MCM10: variants seen among roughly 807,000 people sequenced by gnomAD.
The protein encoded by MCM10 is minichromosome maintenance 10 replication initiation factor.
In MCM10, 91 loss-of-function variants were observed where a neutral mutation model predicts 109.9. The ratio of observed to expected loss-of-function variants is 0.83; its 90% CI spans 0.70 to 0.99. MCM10 has a LOEUF of 0.99. MCM10 is among the 50% of genes least tolerant of loss of function. The pLI is 0.00. For synonymous variants in MCM10, 380 were observed against 387.2 expected (o/e 0.98, Z 0.22); for missense variants, 1,077 against 1,061.2 (o/e 1.01, Z -0.21).
At position 13,175,706 on chromosome 10, in the gene MCM10, T is replaced by C. The variant is rs186811935; in HGVS notation, c.764+25T>C. ...GGTCAGTAGCTAAACCATCTATTCA[T>C]GTGCGCCACGGCATAGCTTTTTGTG... On this transcript the variant is annotated intron_variant, in intron 6 of 19. Coordinates refer to ENST00000378714, the MANE Select transcript of MCM10 (RefSeq NM_018518.5). 6.4e-4 allele frequency: 991 copies of C among 1,536,966 alleles called. 6 individuals carry two copies. Among genetic ancestry groups the C allele is most frequent in the Middle Eastern group, 1.7e-3 (10 of 5,756 alleles).
At chr10:13,168,014 G>A (rs1205123198) in intron 2 of MCM10, among the ~76,000 whole-genome samples, 5 of 152,164 alleles carry the variant, frequency 3.3e-5, no homozygotes, top group Admixed American at 1.3e-4. Context: ...GGTAAACGGG[G>A]TTGTGAGGCA....
chr10:13,209,031 C>T (rs1316938220), intron 18 of MCM10, 60 bp from the exon 19 acceptor site: 23 of 1,216,664 alleles, frequency 1.9e-5, no homozygotes, highest in South Asian at 1.3e-4. Flanking sequence ...TGAGCACCGT[C>T]GTCTTTACAT....
intron 2 of MCM10, among the ~76,000 whole-genome samples, chr10:13,164,473 A>G (rs1833969139): frequency 6.6e-6 from 1 of 152,194 alleles, no homozygotes; most frequent in Non-Finnish European, 1.5e-5. Flanking sequence ...CACTGCTCCA[A>G]GATCCTTGTG....
At chr10:13,171,678 A>G (rs926445010) in intron 3 of MCM10, among the ~76,000 whole-genome samples, 1 of 152,234 alleles carries the variant, frequency 6.6e-6, no homozygotes, top group Non-Finnish European at 1.5e-5. Context: ...TTTAAGCTAT[A>G]GTAAAATTCA....
Position 13,210,319 on chromosome 10 carries a change from A to AC in MCM10, c.*1009_*1010insC, listed in dbSNP as rs1270688821. 1.3e-5 allele frequency: 2 copies of AC among 151,874 alleles called. No homozygotes were observed. The highest frequency in any genetic ancestry group is 4.8e-5 in the African/African-American group (2 of 41,316). 9.4% of individuals were successfully genotyped at this position (151,874 alleles called of 1,614,324 possible). ...ATCCACCCACCTCTGTTTCCAAAAA[A>AC]AAAAAAAAAATGAAAGGTCAACCCC... On this transcript the variant is annotated 3_prime_UTR_variant, in exon 20 of 20. Coordinates refer to ENST00000378714, the MANE Select transcript of MCM10 (RefSeq NM_018518.5).
intron 6 of MCM10, among the ~76,000 whole-genome samples, chr10:13,178,329 T>C (rs942506818): frequency 1.3e-5 from 2 of 152,236 alleles, no homozygotes; most frequent in Non-Finnish European, 2.9e-5. Context: ...CCTCAGGTGA[T>C]CCACCTGCCT....
rs1197445810 is a variant in MCM10, at chr10:13,210,449, A to G, written c.*1139A>G. Reference sequence around the variant, plus strand: ...CTAAGTGAATGTTGATACTAGCTAAAGATTGGGTAAATTGGTTGAATTATT... The same window carrying G: ...CTAAGTGAATGTTGATACTAGCTAAGGATTGGGTAAATTGGTTGAATTATT... On this transcript the variant is annotated 3_prime_UTR_variant, in exon 20 of 20. Coordinates refer to ENST00000378714, the MANE Select transcript of MCM10 (RefSeq NM_018518.5). 3 of 152,212 alleles carry G rather than the reference A, an allele frequency of 2.0e-5. No homozygotes were observed. The highest frequency in any genetic ancestry group is 2.9e-5 in the Non-Finnish European group (2 of 68,046). 9.4% of individuals were successfully genotyped at this position (152,212 alleles called of 1,614,324 possible).
At chr10:13,191,464 G>A in intron 11 of MCM10, 65 bp downstream of exon 11, 1 of 1,338,942 alleles carries the variant, frequency 7.5e-7, no homozygotes, top group South Asian at 1.2e-5. Context: ...AGGGATAAAA[G>A]ACTACACATT....
Position 13,183,118 on chromosome 10 carries a change from G to A in MCM10, c.1098+18G>A. ...CAGAGGAGGTAAGAGCCTGTTTCTGGGATTTGATTGATGATTGTCTTTACA... is the reference window on the plus strand; with the variant it reads ...CAGAGGAGGTAAGAGCCTGTTTCTGAGATTTGATTGATGATTGTCTTTACA... On this transcript the variant is annotated intron_variant, in intron 8 of 19. Transcript: ENST00000378714. The A allele has an allele frequency of 6.2e-7, 1 of 1,603,118 alleles. No individual in the cohort carries two copies. The highest frequency in any genetic ancestry group is 8.5e-7 in the Non-Finnish European group (1 of 1,176,068).
rs200955852 is a variant in MCM10 at position 13,170,912 on chromosome 10, T to A, written c.8-10T>A. 1 of 1,606,602 alleles carries A rather than the reference T, an allele frequency of 6.2e-7. No homozygotes were observed. The highest frequency in any genetic ancestry group is 1.3e-5 in the African/African-American group (1 of 74,714). ...GCTTATTCTCTGTCCTTTCTCTTCT[T>A]TTCCCCTAGAGGAGGAAGACAATCT... On this transcript the variant is annotated splice_polypyrimidine_tract_variant and intron_variant, in intron 2 of 19. Transcript: ENST00000378714.
intron 18 of MCM10, among the ~76,000 whole-genome samples, chr10:13,206,967 G>A (rs1834590362): frequency 1.3e-5 from 2 of 152,070 alleles, no homozygotes; most frequent in Non-Finnish European, 1.5e-5. Flanking sequence ...ACTACACCCA[G>A]CTAATTTTTT....
chr10:13,178,477 T>G (rs541955421), intron 6 of MCM10, among the ~76,000 whole-genome samples: 2 of 152,234 alleles, frequency 1.3e-5, no homozygotes, highest in Non-Finnish European at 2.9e-5. Context: ...CAGTTTTCCC[T>G]GCACCATTTG....
At chr10:13,167,967 G>A (rs973540629) in intron 2 of MCM10, among the ~76,000 whole-genome samples, 11 of 152,188 alleles carry the variant, frequency 7.2e-5, no homozygotes, top group African/African-American at 2.2e-4. Context: ...TTGAGTCAGC[G>A]TAATACAGAG....
intron 17 of MCM10, 57 bp from the exon 18 acceptor site, chr10:13,204,162 G>C (rs1834537210): frequency 5.0e-6 from 8 of 1,589,368 alleles, no homozygotes; most frequent in Middle Eastern, 2.1e-4. Context: ...CTGCAGCTGA[G>C]CATTTGTCCT....
chr10:13,198,727 G>A lies in MCM10; in HGVS notation c.2158G>A (p.Glu720Lys). Residue 720 changes from glutamate (E) to lysine (K), a missense_variant, in exon 16 of 20, where the codon GAA becomes AAA. Glu to Lys is a moderately conservative substitution (Grantham distance 56, BLOSUM62 1). Transcript: ENST00000378714. ...ELEPARKKRR[E>K]QLAYLESEEF... ...GGAGCCTGCCAGGAAAAAAAGGAGA[G>A]AACAACTTGCCTATCTGGAATCTGA... The A allele has an allele frequency of 6.2e-7, 1 of 1,613,926 alleles. No homozygotes were observed. The highest frequency in any genetic ancestry group is 8.5e-7 in the Non-Finnish European group (1 of 1,179,958).
intron 13 of MCM10, among the ~76,000 whole-genome samples, chr10:13,194,630 A>T (rs1046256616): frequency 4.6e-5 from 7 of 152,188 alleles, no homozygotes; most frequent in African/African-American, 1.4e-4. Flanking sequence ...AATGTCTCAC[A>T]TGTATTGTCT....
At position 13,171,228 on chromosome 10, in the gene MCM10, C is replaced by T. The variant is rs1268339767; in HGVS notation, c.314C>T (p.Ala105Val). The change falls in exon 3 of 20, where the codon GCC (alanine) becomes GTC (valine). Residue 105 changes from alanine (A) to valine (V), a missense_variant. Physicochemically the swap from Ala to Val is moderately conservative, Grantham distance 64. Coordinates refer to ENST00000378714, the MANE Select transcript of MCM10 (RefSeq NM_018518.5). ...STENRVLPAP[A>V]PRREKTNEEL... ...GAAAATAGGGTCCTCCCTGCTCCTG[C>T]CCCCAGGCGAGAGAAAACGAATGAA... is the stretch of plus-strand genomic sequence containing the variant. 6.2e-7 allele frequency: 1 copy of T among 1,612,016 alleles called. No individual in the cohort carries two copies. The highest frequency in any genetic ancestry group is 1.7e-5 in the Admixed American group (1 of 59,500).
At position 13,209,971 on chromosome 10, in the gene MCM10, TATAG is replaced by T. The variant is rs1000387702; in HGVS notation, c.*663_*666del. On this transcript the variant is annotated 3_prime_UTR_variant, in exon 20 of 20. Transcript: ENST00000378714. ...ATCACTTTGCATTTCAGTTTATATA[TATAG>T]AGAGAAAGAAGGTGTCTGCTCTTAC... is the stretch of plus-strand genomic sequence containing the variant. 9 of 68,262 alleles carry T rather than the reference TATAG, an allele frequency of 1.3e-4. No individual in the cohort carries two copies. The highest frequency in any genetic ancestry group is 3.6e-4 in the African/African-American group (8 of 22,076). 4.2% of individuals were successfully genotyped at this position (68,262 alleles called of 1,614,324 possible).
rs892677428 is a variant in MCM10 at position 13,172,173 on chromosome 10, C to T, written c.350-203C>T. Among the ~76,000 whole-genome samples the T allele has an allele frequency of 7.9e-5, 12 of 152,082 alleles. No homozygotes were observed. The highest frequency in any genetic ancestry group is 2.7e-4 in the African/African-American group (11 of 41,380). On this transcript the variant is annotated intron_variant, in intron 3 of 19. Coordinates refer to ENST00000378714, the MANE Select transcript of MCM10 (RefSeq NM_018518.5). The surrounding 1 kb of genome is among the most constrained non-coding windows in gnomAD (Gnocchi z 5.2). ...TAACTAGTTTGATTATTGGGTGCTT[C>T]GTTTACTTTAAATAAAATATGTATT...
Sources: gnomAD v4.1 joint callset for allele counts (sites outside exome capture counted in the v4.1 genomes callset) on GRCh38, gnomAD v4.1.1 for gene constraint, Gnocchi (gnomAD v3.1) non-coding constraint, MANE v1.5 for transcripts, NCBI Gene and HGNC (gene_info 2026-07-23, HGNC 2026-07-21) for gene names.